The following MLYCD variants were observed in gnomAD, a reference collection of about 807,000 sequenced individuals.
MLYCD encodes malonyl-CoA decarboxylase.
In MLYCD, 27 loss-of-function variants were observed where a neutral mutation model predicts 35.8. The observed-to-expected ratio is 0.75, with a 90% CI of 0.56 to 1.04. MLYCD has a LOEUF of 1.04. Among genes scored for constraint, MLYCD ranks in the 50% least tolerant of loss-of-function variants. MLYCD has a pLI of 0.00. For synonymous variants in MLYCD, 403 were observed against 302.4 expected (o/e 1.33, Z -3.45); for missense variants, 917 against 665.1 (o/e 1.38, Z -4.17).
chr16:83,913,624 C>T (rs1045033376), intron 4 of MLYCD: 1 of 152,126 alleles, frequency 6.6e-6, no homozygotes, highest in Non-Finnish European at 1.5e-5. Context: ...TCGAGACTAG[C>T]CTGGCGAACG....
At position 83,915,591 on chromosome 16, in the gene MLYCD, A is replaced by G; in HGVS notation, c.*102A>G. On this transcript the variant is annotated 3_prime_UTR_variant, in exon 5 of 5. Transcript: ENST00000262430. ...TGAAGCAGCTTTCCAAGCAAAGCCAAAGTTGACTGTGTTCTTGTCCCGCAG... is the reference window on the plus strand; with the variant it reads ...TGAAGCAGCTTTCCAAGCAAAGCCAGAGTTGACTGTGTTCTTGTCCCGCAG... 6.5e-7 allele frequency: 1 copy of G among 1,545,868 alleles called. No homozygotes were observed. The highest frequency in any genetic ancestry group is 8.7e-7 in the Non-Finnish European group (1 of 1,153,310).
chr16:83,902,650 T>G (rs1906838859), intron 1 of MLYCD, among the ~76,000 whole-genome samples: 1 of 151,688 alleles, frequency 6.6e-6, no homozygotes, highest in Admixed American at 6.6e-5. Context: ...GGAATACAGG[T>G]GCTTGCCAAC....
Position 83,926,040 on chromosome 16 carries a change from G to C in MLYCD, c.*10551G>C, listed in dbSNP as rs576617078. The C allele has an allele frequency of 6.6e-6, 1 of 152,288 alleles. No individual in the cohort carries two copies. Among genetic ancestry groups the C allele is most frequent in the Non-Finnish European group, 1.5e-5 (1 of 68,084 alleles). 9.4% of individuals were successfully genotyped at this position (152,288 alleles called of 1,614,324 possible). ...AGATCATCAGGGCCCCCTCCAATGT[G>C]ACACTTGCAGAGGGGACCCCTGGCC... is the stretch of plus-strand genomic sequence containing the variant. On this transcript the variant is annotated 3_prime_UTR_variant, in exon 5 of 5. Transcript: ENST00000262430.
In MLYCD at chr16:83,907,047, C is replaced by G. The variant is rs1218769872; in HGVS notation, c.589C>G (p.Leu197Val). Reference protein sequence around the residue: ...SEWFSSGFLNLERVTWHSPCE... With the variant: ...SEWFSSGFLNVERVTWHSPCE... ...ATGGTTTTCCTCCGGGTTCCTGAAC[C>G]TAGAACGGGTTACCTGGCATTCACC... Residue 197 changes from leucine to valine, a missense_variant, in exon 2 of 5, where the codon CTA (leucine) becomes GTA (valine). Leu to Val is a conservative substitution (Grantham distance 32). Coordinates refer to ENST00000262430, the MANE Select transcript of MLYCD (RefSeq NM_012213.3). The G allele has an allele frequency of 5.6e-6, 9 of 1,614,210 alleles. No homozygotes were observed. The highest frequency in any genetic ancestry group is 2.2e-5 in the East Asian group (1 of 44,884).
rs897916760 is a variant in MLYCD at position 83,923,058 on chromosome 16, CCTCTCTGT to C, written c.*7578_*7585del. 2.0e-5 allele frequency: 3 copies of C among 152,270 alleles called. No homozygotes were observed. Among genetic ancestry groups the C allele is most frequent in the African/African-American group, 7.2e-5 (3 of 41,450 alleles). 9.4% of individuals were successfully genotyped at this position (152,270 alleles called of 1,614,324 possible). On this transcript the variant is annotated 3_prime_UTR_variant, in exon 5 of 5. Coordinates refer to ENST00000262430, the MANE Select transcript of MLYCD (RefSeq NM_012213.3). ...TGAACTCCCTGTGGTCACTCTGAGGCCTCTCTGTCTCTCTGTGTCTTTCTCTTTCTACC... is the reference window on the plus strand; with the variant it reads ...TGAACTCCCTGTGGTCACTCTGAGGCCTCTCTGTGTCTTTCTCTTTCTACC...
At position 83,908,215 on chromosome 16, in the gene MLYCD, C is replaced by A. The variant is rs375719723; in HGVS notation, c.731C>A (p.Ser244Ter). ...YRRCYFFSHCSTPGEPLVVLH... is the reference protein window; with the variant it reads ...YRRCYFFSHC ...AGGTGTTACTTCTTTTCTCACTGTT[C>A]GACCCCTGGGGAGCCCCTGGTCGTT... Residue 244 changes from serine to a stop codon, truncating the protein, a stop_gained, in exon 3 of 5, where the codon TCG becomes TAG. Coordinates refer to ENST00000262430, the MANE Select transcript of MLYCD (RefSeq NM_012213.3). LOFTEE classifies it high-confidence loss of function. The A allele has an allele frequency of 6.2e-7, 1 of 1,614,196 alleles. No individual in the cohort carries two copies. Among genetic ancestry groups the A allele is most frequent in the Non-Finnish European group, 8.5e-7 (1 of 1,180,032 alleles).
Position 83,899,358 on chromosome 16 carries a change from G to A in MLYCD, c.214G>A (p.Val72Met). Residue 72 changes from valine to methionine, a missense_variant, in exon 1 of 5, where the codon GTG becomes ATG. Physicochemically the swap from Val to Met is conservative, Grantham distance 21. Coordinates refer to ENST00000262430, the MANE Select transcript of MLYCD (RefSeq NM_012213.3). ...APAEGQCADF[V>M]SFYGGLAETA... The stretch of plus-strand genomic sequence containing the variant: ...CGCCGAGGGTCAGTGCGCGGACTTC[G>A]TGAGCTTCTACGGTGGGCTGGCCGA... 2 of 1,526,424 alleles carry A rather than the reference G, an allele frequency of 1.3e-6. No individual in the cohort carries two copies. Among genetic ancestry groups the A allele is most frequent in the East Asian group, 2.6e-5 (1 of 38,104 alleles). 94.6% of individuals were successfully genotyped at this position (1,526,424 alleles called of 1,614,324 possible).
In MLYCD at chr16:83,915,920, G is replaced by A. The variant is rs914723096; in HGVS notation, c.*431G>A. On this transcript the variant is annotated 3_prime_UTR_variant, in exon 5 of 5. Transcript: ENST00000262430. ...CCTTTGTGCTCATAAAACAGAATGC[G>A]GCGATGGTTGCTTTAGCCGTTTCTC... 31 of 1,080,880 alleles carry A rather than the reference G, an allele frequency of 2.9e-5. No homozygotes were observed. Among genetic ancestry groups the A allele is most frequent in the South Asian group, 1.8e-4 (6 of 33,936 alleles). 67.0% of individuals were successfully genotyped at this position (1,080,880 alleles called of 1,614,324 possible).
At position 83,923,408 on chromosome 16, in the gene MLYCD, C is replaced by T. The variant is rs1019783761; in HGVS notation, c.*7919C>T. ...TGCCCATGATTTCACCACAGAAAGT[C>T]TGCCTCATTTGCAGTTTAGCGGACT... On this transcript the variant is annotated 3_prime_UTR_variant, in exon 5 of 5. Coordinates refer to ENST00000262430, the MANE Select transcript of MLYCD (RefSeq NM_012213.3). The T allele has an allele frequency of 6.6e-6, 1 of 152,258 alleles. No homozygotes were observed. Among genetic ancestry groups the T allele is most frequent in the Non-Finnish European group, 1.5e-5 (1 of 68,044 alleles). The allele number at this position is 152,258 out of a possible 1,614,324, so 9.4% of individuals were successfully genotyped here. A position where few individuals can be genotyped will look rare whatever the true frequency, so the allele number is the denominator to read the frequency against.
rs1597296858 is a variant in MLYCD at position 83,916,828 on chromosome 16, A to G, written c.*1339A>G. The stretch of plus-strand genomic sequence containing the variant: ...GTGCACGCCTGTGTGCGTGTGCACG[A>G]GCGTCTCTGTGTGTCAGTGCACGTC... On this transcript the variant is annotated 3_prime_UTR_variant, in exon 5 of 5. Transcript: ENST00000262430. 1 of 106,462 alleles carries G rather than the reference A, an allele frequency of 9.4e-6. No individual in the cohort carries two copies. Among genetic ancestry groups the G allele is most frequent in the African/African-American group, 3.8e-5 (1 of 26,064 alleles). 6.6% of individuals were successfully genotyped at this position (106,462 alleles called of 1,614,324 possible). A position where few individuals can be genotyped will look rare whatever the true frequency, so the allele number is the denominator to read the frequency against.
rs1468334078 is a variant in MLYCD, at chr16:83,899,151, G to A, written c.7G>A (p.Gly3Ser). The change falls in exon 1 of 5, where the codon GGC becomes AGC. Residue 3 changes from glycine to serine, a missense_variant. Transcript: ENST00000262430. MR[G>S]FGPGLTARRL... The stretch of plus-strand genomic sequence containing the variant: ...GCAGCTGTTGTGGGGCACCATGCGA[G>A]GCTTCGGGCCAGGCTTGACGGCCAG... 5.2e-6 allele frequency: 6 copies of A among 1,144,862 alleles called. No homozygotes were observed. The highest frequency in any genetic ancestry group is 6.4e-6 in the Non-Finnish European group (6 of 935,156). 70.9% of individuals were successfully genotyped at this position (1,144,862 alleles called of 1,614,324 possible). A position where few individuals can be genotyped will look rare whatever the true frequency, so the allele number is the denominator to read the frequency against.
chr16:83,921,751 G>A lies in MLYCD; in HGVS notation c.*6262G>A, dbSNP rs1174338410. On this transcript the variant is annotated 3_prime_UTR_variant, in exon 5 of 5. Coordinates refer to ENST00000262430, the MANE Select transcript of MLYCD (RefSeq NM_012213.3). Reference sequence around the variant, plus strand: ...TGGCTTCCAGCTCCTCGCTTTTCCTGAGGGATGATCTGACCACCCATTCTT... The same window carrying A: ...TGGCTTCCAGCTCCTCGCTTTTCCTAAGGGATGATCTGACCACCCATTCTT... 6.7e-6 allele frequency: 1 copy of A among 149,234 alleles called. No individual in the cohort carries two copies. Among genetic ancestry groups the A allele is most frequent in the Admixed American group, 6.9e-5 (1 of 14,538 alleles). 9.2% of individuals were successfully genotyped at this position (149,234 alleles called of 1,614,324 possible).
chr16:83,911,479 A>G (rs1907177641), intron 3 of MLYCD, among the ~76,000 whole-genome samples: 1 of 152,220 alleles, frequency 6.6e-6, no homozygotes, highest in Non-Finnish European at 1.5e-5. Context: ...TTCCACTGTT[A>G]TCCAGTGAGC....
chr16:83,912,612 T>G, intron 4 of MLYCD: 1 of 548,192 alleles, frequency 1.8e-6, no homozygotes, highest in Non-Finnish European at 3.3e-6. Context: ...AAGACGCAGT[T>G]GTATTCTGAG....
intron 3 of MLYCD, 157 bp from the exon 4 acceptor site, chr16:83,912,061 C>A: frequency 9.4e-7 from 1 of 1,064,700 alleles, no homozygotes. Flanking sequence ...AACAGAGCAG[C>A]TTTTAGGCTC....
chr16:83,910,422 C>T (rs976853983), intron 3 of MLYCD, among the ~76,000 whole-genome samples: 7 of 152,036 alleles, frequency 4.6e-5, no homozygotes, highest in Non-Finnish European at 7.4e-5. Context: ...CGCAGTGACT[C>T]GCGCCCAGAA....
intron 2 of MLYCD, among the ~76,000 whole-genome samples, chr16:83,907,827 C>T (rs1268834499): frequency 5.9e-5 from 9 of 152,230 alleles, no homozygotes; most frequent in Non-Finnish European, 8.8e-5. Context: ...CAACACCAAG[C>T]GTTTGATTAG....
intron 4 of MLYCD, chr16:83,912,569 A>G (rs1445722940): frequency 3.0e-6 from 2 of 666,180 alleles, no homozygotes; most frequent in Non-Finnish European, 5.1e-6. Flanking sequence ...TGATGCTGAG[A>G]GAGGCCTCCA....
At chr16:83,909,353 C>T (rs551448992) in intron 3 of MLYCD, among the ~76,000 whole-genome samples, 1 of 152,274 alleles carries the variant, frequency 6.6e-6, no homozygotes, top group South Asian at 2.1e-4. Context: ...GAATGGGCTC[C>T]AGGAGGGCGC....
Sources: gnomAD v4.1 joint callset for allele counts (sites outside exome capture counted in the v4.1 genomes callset) on GRCh38, gnomAD v4.1.1 for gene constraint, MANE v1.5 for transcripts, NCBI Gene and HGNC (gene_info 2026-07-23, HGNC 2026-07-21) for gene names.